FOXN4: variants seen among roughly 807,000 people sequenced by gnomAD.
FOXN4 encodes forkhead box protein N4.
FOXN4 carries 12 observed loss-of-function variants against 45.0 expected under a neutral mutation model. The ratio of observed to expected loss-of-function variants is 0.27; its 90% CI spans 0.17 to 0.43. The LOEUF (loss-of-function observed/expected upper bound fraction) is 0.43. Among genes scored for constraint, FOXN4 ranks in the 20% least tolerant of loss-of-function variants. The pLI is 1.00. For synonymous variants in FOXN4, 297 were observed against 295.0 expected (o/e 1.01, Z -0.07); for missense variants, 560 against 694.9 (o/e 0.81, Z 2.18).
At position 109,281,520 on chromosome 12, in the gene FOXN4, G is replaced by A. The variant is rs145199948; in HGVS notation, c.1181C>T (p.Pro394Leu). 2.4e-4 allele frequency: 394 copies of A among 1,613,842 alleles called. 2 individuals are homozygous for A. The Middle Eastern group carries it at 4.5e-3, about 18-fold the overall frequency. Reference sequence around the variant, plus strand: ...CCTTCCCATGGCGGGGTGGGGGAGCGGGCTGGGGCTGAGGTCCGGCAGGGC... The same window carrying A: ...CCTTCCCATGGCGGGGTGGGGGAGCAGGCTGGGGCTGAGGTCCGGCAGGGC... ...LHALPDLSPS[P>L]LPHPAMGRAP... is the part of the protein sequence containing the mutation. The change falls in exon 9 of 10, where the codon CCG (proline) becomes CTG (leucine). Residue 394 changes from proline (P) to leucine (L), a missense_variant. Physicochemically the swap from Pro to Leu is moderately conservative, Grantham distance 98 (BLOSUM62 -3). Coordinates refer to ENST00000299162, the MANE Select transcript of FOXN4 (RefSeq NM_213596.3).
Position 109,285,528 on chromosome 12 carries a change from G to A in FOXN4, c.694-17C>T, listed in dbSNP as rs766144566. On this transcript the variant is annotated splice_polypyrimidine_tract_variant and intron_variant, in intron 7 of 9. Transcript: ENST00000299162. ...GGGGGCCGTCTATGAAGACACATGG[G>A]CATTCAGAGGCCTCCCTGTAAGCCC... The A allele has an allele frequency of 1.3e-5, 21 of 1,613,296 alleles. No individual in the cohort carries two copies. Among genetic ancestry groups the A allele is most frequent in the Middle Eastern group, 1.6e-4 (1 of 6,084 alleles).
At chr12:109,280,567 G>A (rs1026246263) in intron 9 of FOXN4, among the ~76,000 whole-genome samples, 10 of 152,136 alleles carry the variant, frequency 6.6e-5, no homozygotes, top group Non-Finnish European at 1.3e-4. Flanking sequence ...TCAAAGCCAG[G>A]GGGACAAGAC....
rs56261774 is a variant in FOXN4, at chr12:109,285,244, CGTGTGTGTGTGT to C, written c.901+48_901+59del. On this transcript the variant is annotated intron_variant, in intron 8 of 9. Coordinates refer to ENST00000299162, the MANE Select transcript of FOXN4 (RefSeq NM_213596.3). Reference sequence around the variant, plus strand: ...GATGTCGGCCAGGTCCTTCCTCTTCCGTGTGTGTGTGTGTGTGTGTGTGTGTGTGTGCGCGCA... The same window carrying C: ...GATGTCGGCCAGGTCCTTCCTCTTCCGTGTGTGTGTGTGTGTGTGCGCGCA... 6.8e-5 allele frequency: 92 copies of C among 1,354,328 alleles called. No individual in the cohort carries two copies. The African/African-American group carries it at 1.0e-3, about 15-fold the overall frequency. The allele number at this position is 1,354,328 out of a possible 1,614,324, so 83.9% of individuals were successfully genotyped here.
chr12:109,284,574 T>TGC (rs1033742975), intron 8 of FOXN4, among the ~76,000 whole-genome samples: 8 of 151,210 alleles, frequency 5.3e-5, no homozygotes, highest in African/African-American at 1.9e-4. Context: ...TGTGCGTGCG[T>TGC]GTGTGTGTGC....
At chr12:109,280,342 CAAA>C (rs34879457) in intron 9 of FOXN4, among the ~76,000 whole-genome samples, 961 of 53,534 alleles carry the variant, frequency 0.018, 5 homozygotes, top group African/African-American at 0.068. Flanking sequence ...GACTCCACCT[CAAA>C]AAAAAAAAAA....
rs1231366836 is a variant in FOXN4 at position 109,281,471 on chromosome 12, G to A, written c.1230C>T (p.Ile410=). Residue 410 remains isoleucine (I), a synonymous_variant, in exon 9 of 10, where the codon ATC becomes ATT. Transcript: ENST00000299162. The part of the protein sequence containing the change: ...MGRAPVDFIN[I]STDMNTEVDA... The stretch of plus-strand genomic sequence containing the variant: ...CCACCTCAGTGTTCATGTCGGTGCT[G>A]ATGTTGATGAAGTCTACAGGAGCCC... The A allele has an allele frequency of 1.2e-6, 2 of 1,614,032 alleles. No homozygotes were observed. The highest frequency in any genetic ancestry group is 1.7e-6 in the Non-Finnish European group (2 of 1,179,894).
At chr12:109,302,467 A>G (rs1593787194) in intron 2 of FOXN4, among the ~76,000 whole-genome samples, 2 of 152,342 alleles carry the variant, frequency 1.3e-5, no homozygotes, top group East Asian at 3.9e-4. Flanking sequence ...TCTTGAGTTT[A>G]GTTGAAATCT....
intron 2 of FOXN4, among the ~76,000 whole-genome samples, chr12:109,292,754 G>A (rs924722715): frequency 1.3e-5 from 2 of 152,102 alleles, no homozygotes; most frequent in Non-Finnish European, 2.9e-5. Flanking sequence ...CACTAAACAC[G>A]CCCATGTAAT....
At chr12:109,284,572 C>CGT (rs1220532223) in intron 8 of FOXN4, among the ~76,000 whole-genome samples, 24 of 144,360 alleles carry the variant, frequency 1.7e-4, no homozygotes, top group Non-Finnish European at 2.9e-4. Flanking sequence ...TGTGTGCGTG[C>CGT]GTGTGTGTGT....
chr12:109,285,391 G>T lies in FOXN4; in HGVS notation c.814C>A (p.Leu272Met). The change falls in exon 8 of 10, where the codon CTG (leucine) becomes ATG (methionine). Residue 272 changes from leucine to methionine, a missense_variant. Coordinates refer to ENST00000299162, the MANE Select transcript of FOXN4 (RefSeq NM_213596.3). ...SRKGCLWALNLARIDKMEEEM... is the reference protein window; with the variant it reads ...SRKGCLWALNMARIDKMEEEM... ...TCCTCCATCTTGTCGATGCGGGCCA[G>T]GTTCAGAGCCCACAGGCAGCCCTTG... The T allele has an allele frequency of 6.2e-7, 1 of 1,614,054 alleles. No individual in the cohort carries two copies. Among genetic ancestry groups the T allele is most frequent in the Non-Finnish European group, 8.5e-7 (1 of 1,179,910 alleles).
At position 109,279,650 on chromosome 12, in the gene FOXN4, A is replaced by G; in HGVS notation, c.*21T>C. Reference sequence around the variant, plus strand: ...TGCCCAAGCCGGGTGCCGGGGTTCCAGGGCAGGTGAGGCTGACAGCTCAAA... The same window carrying G: ...TGCCCAAGCCGGGTGCCGGGGTTCCGGGGCAGGTGAGGCTGACAGCTCAAA... On this transcript the variant is annotated 3_prime_UTR_variant, in exon 10 of 10. Coordinates refer to ENST00000299162, the MANE Select transcript of FOXN4 (RefSeq NM_213596.3). The G allele has an allele frequency of 6.4e-7, 1 of 1,565,442 alleles. No homozygotes were observed.
At chr12:109,286,767 G>A (rs369835251) in intron 6 of FOXN4, 23 bp from the exon 7 acceptor site, 3 of 1,571,750 alleles carry the variant, frequency 1.9e-6, no homozygotes, top group South Asian at 1.1e-5. Flanking sequence ...GGTGGGGCAG[G>A]GCAGGGCAGG....
chr12:109,282,592 A>T (rs1180410237), intron 8 of FOXN4, among the ~76,000 whole-genome samples: 1 of 152,170 alleles, frequency 6.6e-6, no homozygotes, highest in Non-Finnish European at 1.5e-5. Context: ...GCGATTACAA[A>T]TCCCATAAGA....
In FOXN4 at chr12:109,285,360, A is replaced by G. The variant is rs1413716773; in HGVS notation, c.845T>C (p.Met282Thr). ...LARIDKMEEEMHKWKRKDLAA... is the reference protein window; with the variant it reads ...LARIDKMEEETHKWKRKDLAA... Reference sequence around the variant, plus strand: ...CAGGTCCTTCCTCTTCCACTTGTGCATCTCCTCCTCCATCTTGTCGATGCG... The same window carrying G: ...CAGGTCCTTCCTCTTCCACTTGTGCGTCTCCTCCTCCATCTTGTCGATGCG... The change falls in exon 8 of 10, where the codon ATG becomes ACG. Residue 282 changes from methionine to threonine, a missense_variant. This residue lies in a region of FOXN4 where 315 missense variants were observed against 350.5 expected (regional missense o/e 0.90). Transcript: ENST00000299162. 6.2e-7 allele frequency: 1 copy of G among 1,613,570 alleles called. No homozygotes were observed. Among genetic ancestry groups the G allele is most frequent in the African/African-American group, 1.3e-5 (1 of 74,830 alleles).
chr12:109,280,015 G>C (rs75265740), intron 9 of FOXN4, 85 bp from the exon 10 acceptor site: 2 of 1,554,226 alleles, frequency 1.3e-6, no homozygotes, highest in Non-Finnish European at 1.8e-6. Flanking sequence ...AAGAGGCAGA[G>C]ACCATGTGTG....
chr12:109,299,324 CGCAT>C (rs1193553808), intron 2 of FOXN4, among the ~76,000 whole-genome samples: 1 of 152,126 alleles, frequency 6.6e-6, no homozygotes, highest in Non-Finnish European at 1.5e-5. Context: ...CACACACGCA[CGCAT>C]GCACACTACG....
chr12:109,283,306 T>C (rs2047670299), intron 8 of FOXN4, among the ~76,000 whole-genome samples: 1 of 152,168 alleles, frequency 6.6e-6, no homozygotes, highest in South Asian at 2.1e-4. Context: ...GATTTTGGTG[T>C]ATTTCTTCCC....
intron 2 of FOXN4, among the ~76,000 whole-genome samples, chr12:109,301,910 G>C (rs184002673): frequency 1.3e-5 from 2 of 152,194 alleles, no homozygotes; most frequent in South Asian, 2.1e-4. Context: ...AACATATCTT[G>C]CATTCTTCAA....
At position 109,291,785 on chromosome 12, in the gene FOXN4, C is replaced by T. The variant is rs1333746267; in HGVS notation, c.87-1499G>A. 3.9e-5 allele frequency among the ~76,000 whole-genome samples: 6 copies of T among 152,060 alleles called. No individual in the cohort carries two copies. The highest frequency in any genetic ancestry group is 9.7e-5 in the African/African-American group (4 of 41,396). ...CCTGGAAACGATTTGAAAACGCGGCCGGCCGGCCGTGTCAGTGGCAGCAGT... is the reference window on the plus strand; with the variant it reads ...CCTGGAAACGATTTGAAAACGCGGCTGGCCGGCCGTGTCAGTGGCAGCAGT... On this transcript the variant is annotated intron_variant, in intron 2 of 9. Coordinates refer to ENST00000299162, the MANE Select transcript of FOXN4 (RefSeq NM_213596.3). This position sits in a 1 kb window ranked among gnomAD's most constrained non-coding sequence, Gnocchi z 6.6.
Sources: allele counts gnomAD v4.1 joint callset (sites outside exome capture counted in the v4.1 genomes callset), GRCh38; gene constraint gnomAD v4.1.1; regional missense constraint gnomAD v4.1.1; non-coding constraint Gnocchi (gnomAD v3.1); transcripts MANE v1.5; gene names NCBI Gene and HGNC (gene_info 2026-07-23, HGNC 2026-07-21).